CNTN4: variants seen among roughly 807,000 people sequenced by gnomAD.
CNTN4 encodes the protein contactin-4.
Under a neutral mutation model 122.5 loss-of-function variants are expected in CNTN4, and 77 were observed. That is an observed-to-expected ratio of 0.63 (90% CI 0.52 to 0.76). The LOEUF is 0.76. CNTN4 is among the 30% of genes least tolerant of loss of function. CNTN4 has a pLI of 0.00. For missense variants in CNTN4, 1,256 were observed against 1,259.1 expected, an observed-to-expected ratio of 1.00 and a Z score of 0.04; for synonymous variants, 512 against 447.0, an observed-to-expected ratio of 1.15 and a Z score of -1.83.
intron 13 of CNTN4, among the ~76,000 whole-genome samples, chr3:2,985,995 A>C (rs1417319984): frequency 6.7e-6 from 1 of 149,206 alleles, no homozygotes; most frequent in Non-Finnish European, 1.5e-5. Flanking sequence ...GCTCACTGCA[A>C]CCTCCACCTC....
intron 14 of CNTN4, among the ~76,000 whole-genome samples, chr3:2,990,264 TG>T (rs1033811242): frequency 8.5e-5 from 13 of 152,214 alleles, no homozygotes; most frequent in Non-Finnish European, 5.9e-5. Context: ...TATTAGTATT[TG>T]TTTTGTTGTT....
chr3:2,871,603 A>G (rs1199137932), intron 8 of CNTN4, among the ~76,000 whole-genome samples: 2 of 152,290 alleles, frequency 1.3e-5, no homozygotes, highest in African/African-American at 4.8e-5. Context: ...CTTAGAGATC[A>G]TGCAATTTTA....
Position 3,026,302 on chromosome 3 carries a change from C to T in CNTN4, c.1662+25C>T, listed in dbSNP as rs775372194. On this transcript the variant is annotated intron_variant, in intron 15 of 24. Coordinates refer to ENST00000418658, the MANE Select transcript of CNTN4 (RefSeq NM_175607.3). ...GGTAAGTATTAATAGCAAAAACTGACTCAAACTAACTTGTTTAGACCAACT... is the reference window on the plus strand; with the variant it reads ...GGTAAGTATTAATAGCAAAAACTGATTCAAACTAACTTGTTTAGACCAACT... 31 of 1,594,830 alleles carry T rather than the reference C, an allele frequency of 1.9e-5. No homozygotes were observed. In the Middle Eastern group the frequency reaches 8.3e-4, roughly 43 times the overall value.
chr3:3,046,626 A>G (rs1460183498), intron 23 of CNTN4, among the ~76,000 whole-genome samples: 3 of 152,168 alleles, frequency 2.0e-5, no homozygotes, highest in Admixed American at 6.5e-5. Context: ...CTCCTGAAGG[A>G]AGCACTAAAC....
chr3:2,183,545 A>T (rs1226251613), intron 2 of CNTN4, among the ~76,000 whole-genome samples: 1 of 152,096 alleles, frequency 6.6e-6, no homozygotes, highest in Non-Finnish European at 1.5e-5. Flanking sequence ...CCATTTGGTG[A>T]TATCTATAAG....
intron 2 of CNTN4, among the ~76,000 whole-genome samples, chr3:2,177,660 G>GTGTT (rs1246280561): frequency 3.5e-5 from 2 of 57,360 alleles, no homozygotes; most frequent in African/African-American, 9.4e-5. Flanking sequence ...GTGTGTTTGT[G>GTGTT]TGTGTGTGTG....
At chr3:2,221,963 A>T (rs995641189) in intron 2 of CNTN4, among the ~76,000 whole-genome samples, 2 of 152,220 alleles carry the variant, frequency 1.3e-5, no homozygotes, top group African/African-American at 4.8e-5. Context: ...ATTATAAAAT[A>T]ATGCAGCCAA....
rs114085066 is a variant in CNTN4, at chr3:2,175,668, T to C, written c.-145+75029T>C. Among the ~76,000 whole-genome samples, 1,436 of 152,200 alleles carry C rather than the reference T, an allele frequency of 9.4e-3. 25 individuals carry two copies. Among genetic ancestry groups the C allele is most frequent in the African/African-American group, 0.032 (1,348 of 41,520 alleles). ...CCAGATGACTTAATCTCTCTAACCA[T>C]GATGTAATGAACCAGAGGTGGGTCC... On this transcript the variant is annotated intron_variant, in intron 2 of 24. Transcript: ENST00000418658.
intron 4 of CNTN4, among the ~76,000 whole-genome samples, chr3:2,662,338 C>T (rs1482733854): frequency 6.6e-6 from 1 of 152,180 alleles, no homozygotes; most frequent in Non-Finnish European, 1.5e-5. Context: ...AGGAGAGTGG[C>T]AGCAACAACT....
chr3:2,789,916 G>A (rs760572134), intron 6 of CNTN4, among the ~76,000 whole-genome samples: 30 of 152,200 alleles, frequency 2.0e-4, no homozygotes, highest in Non-Finnish European at 3.5e-4. Flanking sequence ...CTAGAAAAGT[G>A]CTTATGGTGT....
chr3:2,156,109 G>T (rs2035706251), intron 2 of CNTN4, among the ~76,000 whole-genome samples: 4 of 152,092 alleles, frequency 2.6e-5, no homozygotes, highest in Admixed American at 2.6e-4. Flanking sequence ...TTCAGAAGGG[G>T]GTGTAATCAG....
intron 3 of CNTN4, among the ~76,000 whole-genome samples, chr3:2,488,210 G>A (rs2076217219): frequency 6.6e-6 from 1 of 152,202 alleles, no homozygotes; most frequent in African/African-American, 2.4e-5. Context: ...AGCAATCAAA[G>A]TTCATGTTTG....
At position 2,321,495 on chromosome 3, in the gene CNTN4, T is replaced by C. The variant is rs545656924; in HGVS notation, c.-144-17683T>C. ...CTGTAGCTGTTTAAATGAGAAGAGA[T>C]TTTTATTAAGAGGTTTCCAAATTTG... On this transcript the variant is annotated intron_variant, in intron 2 of 24. Transcript: ENST00000418658. 1.7e-4 allele frequency among the ~76,000 whole-genome samples: 26 copies of C among 152,240 alleles called. 1 individual carries two copies. The highest frequency in any genetic ancestry group is 6.3e-4 in the African/African-American group (26 of 41,562).
At chr3:2,425,470 G>A (rs1289118686) in intron 3 of CNTN4, among the ~76,000 whole-genome samples, 1 of 152,146 alleles carries the variant, frequency 6.6e-6, no homozygotes, top group East Asian at 1.9e-4. Context: ...TTTGGTTACT[G>A]TAGCCTTGTA....
chr3:2,533,570 A>G (rs1217240452), intron 3 of CNTN4, among the ~76,000 whole-genome samples: 1 of 152,108 alleles, frequency 6.6e-6, no homozygotes, highest in Non-Finnish European at 1.5e-5. Flanking sequence ...AGTCTTTGCT[A>G]TTGTGAATAG....
At chr3:2,510,926 C>G (rs770143291) in intron 3 of CNTN4, among the ~76,000 whole-genome samples, 13 of 152,112 alleles carry the variant, frequency 8.5e-5, no homozygotes, top group Admixed American at 1.3e-4. Flanking sequence ...CATGCCAAAC[C>G]CTTTTGCTTT....
At chr3:2,192,669 T>G (rs1422326923) in intron 2 of CNTN4, among the ~76,000 whole-genome samples, 1 of 152,144 alleles carries the variant, frequency 6.6e-6, no homozygotes, top group East Asian at 1.9e-4. Flanking sequence ...TTATGCAAAA[T>G]TCTACTTCTT....
intron 4 of CNTN4, 82 bp downstream of exon 4, chr3:2,571,640 C>A (rs184419013): frequency 3.0e-6 from 3 of 1,000,204 alleles, no homozygotes; most frequent in Non-Finnish European, 4.8e-6. Flanking sequence ...TCACTTTAGA[C>A]GGCAATGATA....
chr3:2,116,854 G>A (rs965004183), intron 2 of CNTN4, among the ~76,000 whole-genome samples: 7 of 152,030 alleles, frequency 4.6e-5, no homozygotes, highest in Non-Finnish European at 8.8e-5. Flanking sequence ...CCGGTTAATC[G>A]ATCGATCTGG....
Sources: allele counts gnomAD v4.1 joint callset (sites outside exome capture counted in the v4.1 genomes callset), GRCh38; gene constraint gnomAD v4.1.1; transcripts MANE v1.5; gene names NCBI Gene and HGNC (gene_info 2026-07-23, HGNC 2026-07-21).